The following SOX5 variants were observed in gnomAD, a reference collection of about 807,000 sequenced individuals.
SOX5 encodes SRY-box transcription factor 5.
SOX5 carries 9 observed loss-of-function variants against 92.0 expected under a neutral mutation model. The ratio of observed to expected loss-of-function variants is 0.10; its 90% CI spans 0.06 to 0.17. The LOEUF (loss-of-function observed/expected upper bound fraction) is 0.17, where lower values mean the gene tolerates loss of function less well. SOX5 is among the 10% of genes least tolerant of loss of function. The pLI, the probability that SOX5 is intolerant of heterozygous loss-of-function variation, is 1.00. For missense variants in SOX5, 642 were observed against 944.5 expected (o/e 0.68, Z 4.20); for synonymous variants, 344 against 336.3 (o/e 1.02, Z -0.25).
intron 3 of SOX5, among the ~76,000 whole-genome samples, chr12:24,244,682 G>C (rs559402898): frequency 6.6e-6 from 1 of 152,192 alleles, no homozygotes; most frequent in East Asian, 1.9e-4. Flanking sequence ...GTAAGAGATC[G>C]ATAAATATTA....
intron 3 of SOX5, among the ~76,000 whole-genome samples, chr12:23,785,768 A>T (rs1173346533): frequency 2.6e-5 from 4 of 152,160 alleles, no homozygotes; most frequent in Admixed American, 6.5e-5. Context: ...ACTAAAATGC[A>T]TTGGGGATGC....
At chr12:24,468,512 A>G (rs1566240647) in intron 1 of SOX5, among the ~76,000 whole-genome samples, 1 of 151,874 alleles carries the variant, frequency 6.6e-6, no homozygotes, top group Non-Finnish European at 1.5e-5. Flanking sequence ...CAAATACTGG[A>G]AATGTATAAG....
intron 13 of SOX5, 50 bp downstream of exon 13, chr12:23,543,161 G>C (rs756671745): frequency 6.6e-7 from 1 of 1,506,680 alleles, no homozygotes; most frequent in East Asian, 2.3e-5. Context: ...GCAGAAAACA[G>C]AACAGTACCT....
chr12:24,124,989 T>C (rs146495017), intron 4 of SOX5, among the ~76,000 whole-genome samples: 89 of 152,304 alleles, frequency 5.8e-4, no homozygotes, highest in Admixed American at 1.2e-3. Flanking sequence ...TCTGTGAAAG[T>C]AAGATGGAGC....
At chr12:23,963,552 G>A (rs941046115) in intron 4 of SOX5, among the ~76,000 whole-genome samples, 3 of 151,976 alleles carry the variant, frequency 2.0e-5, no homozygotes, top group African/African-American at 7.3e-5. Flanking sequence ...GACTAGGCAG[G>A]TTAATTTAAC....
At chr12:23,961,728 CT>C (rs889311481) in intron 4 of SOX5, among the ~76,000 whole-genome samples, 5 of 152,104 alleles carry the variant, frequency 3.3e-5, no homozygotes, top group Admixed American at 6.6e-5. Context: ...ATCCTCAAGA[CT>C]ATTTCACAGC....
intron 6 of SOX5, among the ~76,000 whole-genome samples, chr12:23,694,246 C>T (rs2089420562): frequency 6.6e-6 from 1 of 152,038 alleles, no homozygotes; most frequent in Non-Finnish European, 1.5e-5. Context: ...ATGTATACTC[C>T]TTGATAATAC....
At chr12:23,817,996 GGA>G (rs1568020069) in intron 3 of SOX5, among the ~76,000 whole-genome samples, 1 of 152,198 alleles carries the variant, frequency 6.6e-6, no homozygotes, top group African/African-American at 2.4e-5. Flanking sequence ...TGTAAAGAAA[GGA>G]GATATTGACT....
At chr12:23,947,801 GA>G (rs1048081318) in intron 1 of SOX5, among the ~76,000 whole-genome samples, 4 of 145,768 alleles carry the variant, frequency 2.7e-5, no homozygotes, top group Non-Finnish European at 3.0e-5. Context: ...AGAGATAATT[GA>G]AAAAAAAATA....
rs111577926 is a variant in SOX5 at position 24,128,158 on chromosome 12, G to A, written c.-2+85185C>T. Among the ~76,000 whole-genome samples the A allele has an allele frequency of 7.3e-3, 1,116 of 152,196 alleles. 11 individuals are homozygous for A. The highest frequency in any genetic ancestry group is 0.025 in the African/African-American group (1,058 of 41,526). On this transcript the variant is annotated intron_variant, in intron 4 of 4. Transcript: ENST00000446891. ...CTTTTTAGCAGTGTGCTGCTATTGTGGGTTTTGCTGTTATTTGTATTATTA... is the reference window on the plus strand; with the variant it reads ...CTTTTTAGCAGTGTGCTGCTATTGTAGGTTTTGCTGTTATTTGTATTATTA...
chr12:23,811,495 C>T (rs993453728), intron 3 of SOX5, among the ~76,000 whole-genome samples: 2 of 152,044 alleles, frequency 1.3e-5, no homozygotes, highest in Non-Finnish European at 2.9e-5. Context: ...TGCTTCTTAG[C>T]CAGCTCTCAA....
intron 1 of SOX5, among the ~76,000 whole-genome samples, chr12:24,384,171 T>C (rs1272435389): frequency 1.3e-5 from 2 of 152,200 alleles, no homozygotes; most frequent in Non-Finnish European, 2.9e-5. Flanking sequence ...GATATTTTTT[T>C]CATAGCAGCA....
intron 4 of SOX5, among the ~76,000 whole-genome samples, chr12:24,003,442 G>A (rs1393111125): frequency 6.6e-6 from 1 of 151,804 alleles, no homozygotes; most frequent in Non-Finnish European, 1.5e-5. Flanking sequence ...CAAAGCTGAT[G>A]AATGAGTTCA....
chr12:23,851,339 A>G (rs562493588), intron 2 of SOX5, among the ~76,000 whole-genome samples: 7 of 152,328 alleles, frequency 4.6e-5, no homozygotes, highest in Admixed American at 1.3e-4. Flanking sequence ...TGAAGTTTGC[A>G]ATTTTGACAG....
chr12:24,218,614 G>T (rs1269381248), intron 3 of SOX5, among the ~76,000 whole-genome samples: 1 of 152,108 alleles, frequency 6.6e-6, no homozygotes, highest in African/African-American at 2.4e-5. Flanking sequence ...CACTTGGAAT[G>T]AATGAATTGT....
chr12:24,017,393 C>T (rs1953754650), intron 4 of SOX5, among the ~76,000 whole-genome samples: 1 of 151,962 alleles, frequency 6.6e-6, no homozygotes, highest in African/African-American at 2.4e-5. Flanking sequence ...GAGGCCAGTT[C>T]AAGACCAGCC....
At chr12:23,957,765 C>A (rs138761855) in intron 4 of SOX5, among the ~76,000 whole-genome samples, 1 of 151,958 alleles carries the variant, frequency 6.6e-6, no homozygotes, top group Non-Finnish European at 1.5e-5. Flanking sequence ...ATATAATATA[C>A]GCATTACCAA....
intron 2 of SOX5, among the ~76,000 whole-genome samples, chr12:24,300,744 G>A (rs1206692826): frequency 1.3e-5 from 2 of 152,126 alleles, no homozygotes; most frequent in Non-Finnish European, 2.9e-5. Context: ...CAATCCCAGA[G>A]GTAGCTGATA....
intron 4 of SOX5, among the ~76,000 whole-genome samples, chr12:24,110,470 C>A (rs751864558): frequency 1.6e-4 from 25 of 152,158 alleles, no homozygotes; most frequent in African/African-American, 2.4e-4. Context: ...TGGGAAGAGA[C>A]AATAACAACC....
Sources: gnomAD v4.1 joint callset for allele counts (sites outside exome capture counted in the v4.1 genomes callset) on GRCh38, gnomAD v4.1.1 for gene constraint, MANE v1.5 for transcripts, NCBI Gene and HGNC (gene_info 2026-07-23, HGNC 2026-07-21) for gene names.